CAMTA1: variants seen among roughly 807,000 people sequenced by gnomAD.
The protein encoded by CAMTA1 is calmodulin-binding transcription activator 1.
CAMTA1 carries 27 observed loss-of-function variants against 170.9 expected under a neutral mutation model. The observed-to-expected ratio is 0.16, with a 90% CI of 0.12 to 0.22. The LOEUF is 0.22. CAMTA1 is among the 10% of genes least tolerant of loss of function. The pLI is 1.00. For synonymous variants in CAMTA1, 833 were observed against 891.5 expected (o/e 0.93, Z 1.17); for missense variants, 1,619 against 2,217.2 (o/e 0.73, Z 5.42).
intron 11 of CAMTA1, among the ~76,000 whole-genome samples, chr1:7,692,705 C>A (rs1475053273): frequency 6.6e-6 from 1 of 152,168 alleles, no homozygotes; most frequent in Non-Finnish European, 1.5e-5. Flanking sequence ...CACCCAGCCT[C>A]AGGTTGTCAT....
Position 7,324,806 on chromosome 1 carries a change from C to CAA in CAMTA1, c.438+75195_438+75196dup, listed in dbSNP as rs35937100. ...TGGGTGACAGAGGGAGACTCCATCTCAAAAAAAAAAAAAAAAGTCTGTGCT... is the reference window on the plus strand; with the variant it reads ...TGGGTGACAGAGGGAGACTCCATCTCAAAAAAAAAAAAAAAAAAGTCTGTGCT... On this transcript the variant is annotated intron_variant, in intron 5 of 22. Coordinates refer to ENST00000303635, the MANE Select transcript of CAMTA1 (RefSeq NM_015215.4). 5.7e-3 allele frequency among the ~76,000 whole-genome samples: 728 copies of CAA among 128,432 alleles called. 2 individuals are homozygous for CAA. Among genetic ancestry groups the CAA allele is most frequent in the Middle Eastern group, 0.012 (3 of 254 alleles). The allele number at this position is 128,432 out of a possible 152,430, so 84.3% of individuals were successfully genotyped here.
chr1:7,599,947 G>A (rs566260744), intron 6 of CAMTA1, among the ~76,000 whole-genome samples: 5 of 152,160 alleles, frequency 3.3e-5, no homozygotes, highest in Non-Finnish European at 7.3e-5. Context: ...TCTCCTGCCT[G>A]ATTGCCCTGG....
intron 15 of CAMTA1, among the ~76,000 whole-genome samples, 182 bp from the exon 16 acceptor site, chr1:7,737,777 C>T (rs1371237877): frequency 6.6e-6 from 1 of 152,148 alleles, no homozygotes; most frequent in East Asian, 1.9e-4. Context: ...GCAAGAAATA[C>T]ATAATTTTGG....
chr1:7,052,206 CA>C (rs1425479536), intron 3 of CAMTA1, among the ~76,000 whole-genome samples: 1 of 152,138 alleles, frequency 6.6e-6, no homozygotes, highest in Non-Finnish European at 1.5e-5. Flanking sequence ...GCCCTGGGGC[CA>C]TTCTTTTTTG....
intron 4 of CAMTA1, among the ~76,000 whole-genome samples, chr1:7,097,995 T>C (rs1016524208): frequency 6.6e-6 from 1 of 152,168 alleles, no homozygotes; most frequent in East Asian, 1.9e-4. Context: ...GTGGTACATT[T>C]TATGTTACCT....
At chr1:6,893,887 C>T (rs899119142) in intron 3 of CAMTA1, among the ~76,000 whole-genome samples, 2 of 152,244 alleles carry the variant, frequency 1.3e-5, no homozygotes, top group African/African-American at 4.8e-5. Context: ...GCCCACTCCT[C>T]ACACAGGTGA....
chr1:6,963,283 C>T (rs759387786), intron 3 of CAMTA1, among the ~76,000 whole-genome samples: 1,083 of 66,396 alleles, frequency 0.016, 125 homozygotes, highest in East Asian at 0.043. Context: ...CCCCCCCCCC[C>T]CCCCGCTTTC....
At chr1:7,648,369 G>A (rs2095823843) in intron 7 of CAMTA1, among the ~76,000 whole-genome samples, 1 of 151,028 alleles carries the variant, frequency 6.6e-6, no homozygotes, top group Non-Finnish European at 1.5e-5. Context: ...TCCAGCCTGG[G>A]CAACAGAGTG....
intron 4 of CAMTA1, among the ~76,000 whole-genome samples, chr1:7,230,380 T>G (rs1457158663): frequency 1.3e-5 from 2 of 150,456 alleles, no homozygotes; most frequent in Non-Finnish European, 2.9e-5. Flanking sequence ...TCTCCCGGCT[T>G]TCTTGGGCTC....
chr1:6,949,358 A>G (rs371228285), intron 3 of CAMTA1, among the ~76,000 whole-genome samples: 2 of 152,184 alleles, frequency 1.3e-5, no homozygotes, highest in African/African-American at 4.8e-5. Context: ...CCCGCTTTGA[A>G]CGCCCTCGAG....
chr1:7,130,972 T>G (rs1434410606), intron 4 of CAMTA1, among the ~76,000 whole-genome samples: 1 of 151,996 alleles, frequency 6.6e-6, no homozygotes, highest in East Asian at 1.9e-4. Flanking sequence ...TTTTTTTTTT[T>G]GAGACGGATT....
chr1:6,834,204 G>T, intron 3 of CAMTA1: 1 of 139,344 alleles, frequency 7.2e-6, no homozygotes, highest in South Asian at 2.3e-4. Context: ...CTTTTAAGTT[G>T]TACAATTCAG....
At chr1:7,310,506 G>A (rs901757788) in intron 5 of CAMTA1, among the ~76,000 whole-genome samples, 2 of 152,092 alleles carry the variant, frequency 1.3e-5, no homozygotes, top group African/African-American at 4.8e-5. Context: ...AGCCAAATTT[G>A]GCCCAAGGAC....
chr1:7,352,628 G>A (rs1018075596), intron 5 of CAMTA1, among the ~76,000 whole-genome samples: 2 of 152,196 alleles, frequency 1.3e-5, no homozygotes, highest in Non-Finnish European at 2.9e-5. Context: ...AAATGGTCAT[G>A]AGCCACATGT....
In CAMTA1 at chr1:7,235,436, C is replaced by T. The variant is rs181048725; in HGVS notation, c.303-14055C>T. Among the ~76,000 whole-genome samples the T allele has an allele frequency of 8.0e-4, 122 of 152,202 alleles. 3 individuals carry two copies. In the South Asian group the frequency reaches 0.014, roughly 18 times the overall value. ...GGCCAGGAGTTTGAAACCAGCCTGG[C>T]CAACATGGCGAAACCCCTGTGTCTA... On this transcript the variant is annotated intron_variant, in intron 4 of 22. Coordinates refer to ENST00000303635, the MANE Select transcript of CAMTA1 (RefSeq NM_015215.4).
At position 7,296,031 on chromosome 1, in the gene CAMTA1, G is replaced by A. The variant is rs146535584; in HGVS notation, c.438+46405G>A. ...AAATCCACTTCTAAACTCGATCATG[G>A]GGTTGTTGGGAGGATACAGTTTCTC... On this transcript the variant is annotated intron_variant, in intron 5 of 22. Transcript: ENST00000303635. 1.4e-3 allele frequency among the ~76,000 whole-genome samples: 214 copies of A among 152,312 alleles called. 1 individual carries two copies. Among genetic ancestry groups the A allele is most frequent in the Non-Finnish European group, 2.2e-3 (153 of 68,032 alleles).
At chr1:6,841,008 A>G (rs1436088241) in intron 3 of CAMTA1, among the ~76,000 whole-genome samples, 3 of 152,178 alleles carry the variant, frequency 2.0e-5, no homozygotes, top group Non-Finnish European at 2.9e-5. Context: ...CAGCAGGGCC[A>G]TGTTCTTTAT....
chr1:7,130,709 G>A (rs1037510133), intron 4 of CAMTA1, among the ~76,000 whole-genome samples: 3 of 152,032 alleles, frequency 2.0e-5, no homozygotes, highest in African/African-American at 7.2e-5. Flanking sequence ...GATGCTGACA[G>A]TCCTATAAAC....
Position 6,926,633 on chromosome 1 carries a change from CTCT to C in CAMTA1, c.234+101431_234+101433del, listed in dbSNP as rs1215180019. ...CATTCTTTCTTTCTCCCCTCCCCTC[CTCT>C]TCTTCTTTCTTTCTCTTTCATTCCC... is the stretch of plus-strand genomic sequence containing the variant. On this transcript the variant is annotated intron_variant, in intron 3 of 22. Transcript: ENST00000303635. Among the ~76,000 whole-genome samples the C allele has an allele frequency of 6.2e-5, 9 of 146,288 alleles. No individual in the cohort carries two copies. The South Asian group carries it at 1.1e-3, about 18-fold the overall frequency.
Sources: gnomAD v4.1 joint callset for allele counts (sites outside exome capture counted in the v4.1 genomes callset) on GRCh38, gnomAD v4.1.1 for gene constraint, MANE v1.5 for transcripts, NCBI Gene and HGNC (gene_info 2026-07-23, HGNC 2026-07-21) for gene names.